MMAA: variants seen among roughly 807,000 people sequenced by gnomAD.
MMAA encodes the protein methylmalonic aciduria type A protein, mitochondrial.
A neutral mutation model predicts 45.0 loss-of-function variants in MMAA; 41 were observed. The observed-to-expected ratio is 0.91, with a 90% confidence interval of 0.71 to 1.18. The LOEUF is 1.18. MMAA is among the 50% of genes most tolerant of loss of function. The pLI is 0.00. For missense variants in MMAA, 460 were observed against 495.7 expected (o/e 0.93, Z 0.68); for synonymous variants, 154 against 178.2 (o/e 0.86, Z 1.08).
At chr4:145,652,896 G>T (rs1397901198) in intron 5 of MMAA, among the ~76,000 whole-genome samples, 1 of 151,584 alleles carries the variant, frequency 6.6e-6, no homozygotes, top group Non-Finnish European at 1.5e-5. Context: ...CAGAGACAGG[G>T]TCTCACTCTG....
intron 6 of MMAA, among the ~76,000 whole-genome samples, chr4:145,654,759 A>T (rs1037504310): frequency 2.6e-5 from 4 of 152,208 alleles, no homozygotes; most frequent in African/African-American, 9.6e-5. Flanking sequence ...AATTTGGCAG[A>T]GAGAATTAGG....
intron 1 of MMAA, chr4:145,625,234 T>C: frequency 9.0e-7 from 1 of 1,115,544 alleles, no homozygotes; most frequent in Non-Finnish European, 1.4e-6. Flanking sequence ...TTTCAGGAAC[T>C]TCCTGTTGCT....
chr4:145,620,887 A>C (rs1191023629), intron 1 of MMAA, among the ~76,000 whole-genome samples: 3 of 152,140 alleles, frequency 2.0e-5, no homozygotes, highest in Non-Finnish European at 4.4e-5. Context: ...CTCTCCTTAG[A>C]GGAATTTTGG....
intron 1 of MMAA, among the ~76,000 whole-genome samples, chr4:145,628,717 C>T (rs773509284): frequency 2.6e-5 from 4 of 152,132 alleles, no homozygotes; most frequent in Admixed American, 1.3e-4. Context: ...TCCAGGGATT[C>T]GGACGTGGAC....
chr4:145,628,845 A>T (rs1429512731), intron 1 of MMAA, among the ~76,000 whole-genome samples: 1 of 152,184 alleles, frequency 6.6e-6, no homozygotes, highest in Non-Finnish European at 1.5e-5. Context: ...TCCTCTGTAG[A>T]TGAAGTTATA....
chr4:145,627,012 A>C (rs1734218135), intron 1 of MMAA, among the ~76,000 whole-genome samples: 1 of 152,202 alleles, frequency 6.6e-6, no homozygotes, highest in Non-Finnish European at 1.5e-5. Context: ...TTTCACTTAA[A>C]GTCCTTTTAA....
Position 145,642,455 on chromosome 4 carries a change from G to C in MMAA, c.532G>C (p.Ala178Pro). ...GAGAGGGCACAAATTATCTGTGCTA[G>C]CTGTGGACCCTTCTTCTTGTACTAG... Reference protein sequence around the residue: ...TERGHKLSVLAVDPSSCTSGG... With the variant: ...TERGHKLSVLPVDPSSCTSGG... Residue 178 changes from alanine (A) to proline (P), a missense_variant, in exon 3 of 7, where the codon GCT (alanine) becomes CCT (proline). By Grantham distance (27) the Ala-to-Pro change is conservative. Transcript: ENST00000649156. The C allele has an allele frequency of 6.2e-7, 1 of 1,614,176 alleles. No homozygotes were observed. Among genetic ancestry groups the C allele is most frequent in the Non-Finnish European group, 8.5e-7 (1 of 1,180,018 alleles).
intron 2 of MMAA, among the ~76,000 whole-genome samples, chr4:145,642,027 G>C (rs937052305): frequency 1.3e-5 from 2 of 152,112 alleles, no homozygotes; most frequent in Non-Finnish European, 2.9e-5. Context: ...GATGAGAGGT[G>C]GGCAGATGTA....
intron 6 of MMAA, 143 bp from the exon 7 acceptor site, chr4:145,655,004 A>T: frequency 1.2e-6 from 1 of 818,422 alleles, no homozygotes; most frequent in African/African-American, 1.7e-5. Context: ...TGGTATATTT[A>T]CTTTGACACA....
At position 145,655,313 on chromosome 4, in the gene MMAA, T is replaced by C; in HGVS notation, c.1136T>C (p.Phe379Ser). 12 of 1,614,176 alleles carry C rather than the reference T, an allele frequency of 7.4e-6. No homozygotes were observed. Among genetic ancestry groups the C allele is most frequent in the Admixed American group, 1.7e-5 (1 of 60,020 alleles). Residue 379 changes from phenylalanine (F) to serine (S), a missense_variant, in exon 7 of 7, where the codon TTC becomes TCC. Phe to Ser is a radical substitution (Grantham distance 155, BLOSUM62 -2). Coordinates refer to ENST00000649156, the MANE Select transcript of MMAA (RefSeq NM_172250.3). Reference protein sequence around the residue: ...NLIQESVLEHFRTHPTVREQI... With the variant: ...NLIQESVLEHSRTHPTVREQI... Reference sequence around the variant, plus strand: ...ATTCAGGAAAGTGTGTTAGAGCATTTCAGGACCCACCCCACAGTCCGGGAA... The same window carrying C: ...ATTCAGGAAAGTGTGTTAGAGCATTCCAGGACCCACCCCACAGTCCGGGAA...
At chr4:145,630,664 G>T (rs1734318559) in intron 1 of MMAA, among the ~76,000 whole-genome samples, 1 of 152,134 alleles carries the variant, frequency 6.6e-6, no homozygotes, top group African/African-American at 2.4e-5. Flanking sequence ...GGAGGCGGAG[G>T]TTGTGGTGAG....
At chr4:145,625,103 A>G (rs991196413) in intron 1 of MMAA, 2 of 1,036,154 alleles carry the variant, frequency 1.9e-6, no homozygotes, top group Middle Eastern at 4.2e-4. Flanking sequence ...CTGGAGAGTC[A>G]CTAGCCAATC....
intron 1 of MMAA, among the ~76,000 whole-genome samples, chr4:145,635,297 T>C (rs1190830344): frequency 6.6e-6 from 1 of 152,170 alleles, no homozygotes; most frequent in Non-Finnish European, 1.5e-5. Flanking sequence ...TAGTGGTTAA[T>C]AGTTCCTTCT....
Position 145,639,326 on chromosome 4 carries a change from A to G in MMAA, c.187A>G (p.Arg63Gly), listed in dbSNP as rs774453661. 6.2e-7 allele frequency: 1 copy of G among 1,614,202 alleles called. No individual in the cohort carries two copies. Among genetic ancestry groups the G allele is most frequent in the Non-Finnish European group, 8.5e-7 (1 of 1,180,042 alleles). The change falls in exon 2 of 7, where the codon AGA (arginine) becomes GGA (glycine). Residue 63 changes from arginine to glycine, a missense_variant. Coordinates refer to ENST00000649156, the MANE Select transcript of MMAA (RefSeq NM_172250.3). ...GATGCTGCTGTCAGATGGCTTAAAG[A>G]GAAAATTATGTGTACAAACAACCTT... ...KWMLLSDGLK[R>G]KLCVQTTLKD...
rs72950836 is a variant in MMAA at position 145,651,399 on chromosome 4, C to T, written c.819+252C>T. On this transcript the variant is annotated intron_variant, in intron 5 of 6. Coordinates refer to ENST00000649156, the MANE Select transcript of MMAA (RefSeq NM_172250.3). Reference sequence around the variant, plus strand: ...TTCCATCTGTAACATGACTGAAATACATGGATCGCTCCAGCCAGTAGAGAC... The same window carrying T: ...TTCCATCTGTAACATGACTGAAATATATGGATCGCTCCAGCCAGTAGAGAC... Among the ~76,000 whole-genome samples the T allele has an allele frequency of 0.014, 2,104 of 152,248 alleles. 46 individuals carry two copies. Among genetic ancestry groups the T allele is most frequent in the African/African-American group, 0.048 (2,008 of 41,518 alleles).
intron 3 of MMAA, among the ~76,000 whole-genome samples, chr4:145,644,493 G>A (rs1464524944): frequency 6.6e-6 from 1 of 152,140 alleles, no homozygotes; most frequent in Non-Finnish European, 1.5e-5. Flanking sequence ...TGTGGAAAGA[G>A]GGAAAATGAA....
chr4:145,644,187 G>T (rs1001489272), intron 3 of MMAA, among the ~76,000 whole-genome samples: 14 of 152,174 alleles, frequency 9.2e-5, no homozygotes, highest in African/African-American at 3.4e-4. Context: ...TTCTGGCTAA[G>T]ACATAGGAAA....
intron 1 of MMAA, among the ~76,000 whole-genome samples, chr4:145,633,890 G>A (rs1578874093): frequency 6.6e-6 from 1 of 152,326 alleles, no homozygotes; most frequent in South Asian, 2.1e-4. Flanking sequence ...AGAGACTCTT[G>A]TTCTCTTCCC....
chr4:145,627,539 G>C (rs1408354020), intron 1 of MMAA, among the ~76,000 whole-genome samples: 1 of 152,164 alleles, frequency 6.6e-6, no homozygotes, highest in African/African-American at 2.4e-5. Flanking sequence ...TTTTCTGGGA[G>C]AATCAGTTGA....
Sources: gnomAD v4.1 joint callset for allele counts (sites outside exome capture counted in the v4.1 genomes callset) on GRCh38, gnomAD v4.1.1 for gene constraint, MANE v1.5 for transcripts, NCBI Gene and HGNC (gene_info 2026-07-23, HGNC 2026-07-21) for gene names.